DGKH: variants seen among roughly 807,000 people sequenced by gnomAD.
The protein encoded by DGKH is diacylglycerol kinase eta.
DGKH carries 90 observed loss-of-function variants against 159.3 expected under a neutral mutation model. The observed-to-expected ratio is 0.57, with a 90% CI of 0.48 to 0.67. The LOEUF (loss-of-function observed/expected upper bound fraction) is 0.67. Among genes scored for constraint, DGKH ranks in the 30% least tolerant of loss-of-function variants. DGKH has a pLI of 0.00. For missense variants in DGKH, 1,181 were observed against 1,506.1 expected (o/e 0.78, Z 3.57); for synonymous variants, 536 against 553.8 (o/e 0.97, Z 0.45).
In DGKH at chr13:42,070,791, T is replaced by G. The variant is rs546919307; in HGVS notation, c.192+21826T>G. ...ACTCCTGAACAATGTAAACACTGTT[T>G]AGTTCCGTAAGAGAGCCCACATCAT... On this transcript the variant is annotated intron_variant, in intron 1 of 29. Transcript: ENST00000337343. 34 of 1,521,030 alleles carry G rather than the reference T, an allele frequency of 2.2e-5. No individual in the cohort carries two copies. The East Asian group carries it at 7.7e-4, about 34-fold the overall frequency. The allele number at this position is 1,521,030 out of a possible 1,614,324, so 94.2% of individuals were successfully genotyped here.
intron 13 of DGKH, among the ~76,000 whole-genome samples, chr13:42,185,986 TG>T (rs1956910821): frequency 7.4e-6 from 1 of 135,396 alleles, no homozygotes. Flanking sequence ...GTGTGTCTGT[TG>T]GGGGAGGAGT....
At chr13:42,073,409 A>G (rs1005207539) in intron 1 of DGKH, among the ~76,000 whole-genome samples, 1 of 152,220 alleles carries the variant, frequency 6.6e-6, no homozygotes, top group Non-Finnish European at 1.5e-5. Context: ...AGATTTTTCA[A>G]ATTTACGGTG....
chr13:42,138,171 C>T, intron 3 of DGKH: 1 of 925,320 alleles, frequency 1.1e-6, no homozygotes, highest in Non-Finnish European at 1.3e-6. Flanking sequence ...AATAGCAGGG[C>T]ACAGCTAATA....
rs146248728 is a variant in DGKH at position 42,142,196 on chromosome 13, G to A, written c.384+12564G>A. Among the ~76,000 whole-genome samples, 933 of 152,234 alleles carry A rather than the reference G, an allele frequency of 6.1e-3. 7 individuals carry two copies. Among genetic ancestry groups the A allele is most frequent in the African/African-American group, 0.022 (894 of 41,532 alleles). On this transcript the variant is annotated intron_variant, in intron 3 of 29. Transcript: ENST00000337343. Reference sequence around the variant, plus strand: ...GTTTTAGTCAGGTTTGTCAAAGATCGAATGGTTGTAGATATGTGGCATTAT... The same window carrying A: ...GTTTTAGTCAGGTTTGTCAAAGATCAAATGGTTGTAGATATGTGGCATTAT...
chr13:42,198,814 C>G (rs1451656554), intron 18 of DGKH, among the ~76,000 whole-genome samples: 1 of 152,048 alleles, frequency 6.6e-6, no homozygotes, highest in Non-Finnish European at 1.5e-5. Flanking sequence ...TTTTCCAGCC[C>G]GTTCTCTCTG....
chr13:42,215,470 ATG>A, intron 25 of DGKH, 103 bp from the exon 26 acceptor site: 5 of 857,182 alleles, frequency 5.8e-6, no homozygotes, highest in Non-Finnish European at 8.4e-6. Context: ...TAGATTAAAA[ATG>A]TGTGCTGTGA....
chr13:42,116,334 G>C (rs117035446), intron 1 of DGKH, among the ~76,000 whole-genome samples: 247 of 152,296 alleles, frequency 1.6e-3, no homozygotes, highest in Non-Finnish European at 2.8e-3. Flanking sequence ...AGACAGGAAA[G>C]AAGTGACACA....
At chr13:42,181,676 C>A in intron 13 of DGKH, 3 of 408,778 alleles carry the variant, frequency 7.3e-6, no homozygotes, top group South Asian at 1.8e-5. Context: ...TTAAGCCACC[C>A]CATTCCCATG....
At chr13:42,126,782 C>CCCA (rs1178341470) in intron 1 of DGKH, among the ~76,000 whole-genome samples, 1 of 152,182 alleles carries the variant, frequency 6.6e-6, no homozygotes, top group Non-Finnish European at 1.5e-5. Flanking sequence ...TCCTTCAAGA[C>CCCA]CCACCTTGGG....
chr13:42,045,436 A>C (rs1880744128), upstream of DGKH, among the ~76,000 whole-genome samples: 1 of 152,254 alleles, frequency 6.6e-6, no homozygotes, highest in Non-Finnish European at 1.5e-5. Context: ...GCCAAAATGT[A>C]AATGAGAGGT....
chr13:42,189,238 C>G lies in DGKH; in HGVS notation c.1841C>G (p.Pro614Arg). ...CCTTCCTCCCAGAAAGCCGTCAAAC[C>G]AAGGGAAATCATGTTGCGGGCAAAT... Reference protein sequence around the residue: ...TKPSSQKAVKPREIMLRANSL... With the variant: ...TKPSSQKAVKRREIMLRANSL... The change falls in exon 15 of 30, where the codon CCA (proline) becomes CGA (arginine). Residue 614 changes from proline to arginine, a missense_variant. Pro to Arg is a moderately radical substitution (Grantham distance 103). This residue lies in a region of DGKH where 257 missense variants were observed against 281.5 expected (regional missense o/e 0.91). Transcript: ENST00000337343. 1 of 1,614,134 alleles carries G rather than the reference C, an allele frequency of 6.2e-7. No individual in the cohort carries two copies. Among genetic ancestry groups the G allele is most frequent in the Non-Finnish European group, 8.5e-7 (1 of 1,180,038 alleles).
chr13:42,170,166 G>A (rs1187419491), intron 11 of DGKH, among the ~76,000 whole-genome samples: 3 of 152,230 alleles, frequency 2.0e-5, no homozygotes, highest in African/African-American at 7.2e-5. Context: ...TTTAAATGCT[G>A]TCTTTGTTGC....
At chr13:42,246,978 C>T (rs1249408248), downstream of DGKH, among the ~76,000 whole-genome samples, 1 of 152,088 alleles carries the variant, frequency 6.6e-6, no homozygotes, top group Non-Finnish European at 1.5e-5. Context: ...TATATGACCA[C>T]ACAGATATCC....
rs1881005256 is a variant in DGKH at position 42,048,930 on chromosome 13, C to T, written c.157C>T (p.Arg53Cys). 1.5e-6 allele frequency: 2 copies of T among 1,327,068 alleles called. No homozygotes were observed. The highest frequency in any genetic ancestry group is 1.5e-5 in the African/African-American group (1 of 66,144). 82.2% of individuals were successfully genotyped at this position (1,327,068 alleles called of 1,614,324 possible). A position where few individuals can be genotyped will look rare whatever the true frequency, so the allele number is the denominator to read the frequency against. Residue 53 changes from arginine to cysteine, a missense_variant, in exon 1 of 30, where the codon CGC (arginine) becomes TGC (cysteine). Coordinates refer to ENST00000337343, the MANE Select transcript of DGKH (RefSeq NM_178009.5). The surrounding 1 kb of genome is among the most constrained non-coding windows in gnomAD (Gnocchi z 6.7). Reference sequence around the variant, plus strand: ...GCAAGAGGGACCCCAGAAACTGATCCGCAAAGTGTCTACCTCGGGGCAGAT... The same window carrying T: ...GCAAGAGGGACCCCAGAAACTGATCTGCAAAGTGTCTACCTCGGGGCAGAT... ...AEQEGPQKLI[R>C]KVSTSGQIRT...
chr13:42,141,028 C>CCATTCACTCGTCATTTACATTAGGTATAT (rs55860412), intron 3 of DGKH, among the ~76,000 whole-genome samples: 1 of 52,094 alleles, frequency 1.9e-5, no homozygotes, highest in Non-Finnish European at 3.9e-5. Flanking sequence ...TGTGCTGAAC[C>CCATTCACTCGTCATTTACATTAGGTATAT]CTCCTAATGC....
intron 24 of DGKH, among the ~76,000 whole-genome samples, chr13:42,211,869 G>C (rs1957666415): frequency 6.6e-6 from 1 of 152,138 alleles, no homozygotes; most frequent in African/African-American, 2.4e-5. Context: ...CATCTTGTGA[G>C]ACTTAGTCAC....
chr13:42,139,130 C>T (rs1443278254), intron 3 of DGKH, among the ~76,000 whole-genome samples: 4 of 152,170 alleles, frequency 2.6e-5, no homozygotes, highest in Non-Finnish European at 5.9e-5. Context: ...CTTCCTCACA[C>T]CAAAGTCTTA....
upstream of DGKH, chr13:42,044,017 T>G (rs945190937): frequency 6.6e-6 from 1 of 152,000 alleles, no homozygotes; most frequent in Non-Finnish European, 1.5e-5. Flanking sequence ...GGCATTTTCT[T>G]GTATAGATGG....
At chr13:42,181,870 GAGCTGCT>G (rs1566166016) in intron 13 of DGKH, 43 of 42,148 alleles carry the variant, frequency 1.0e-3, no homozygotes, top group Non-Finnish European at 1.5e-3. Context: ...GCTGGCAGCT[GAGCTGCT>G]GGTGCTGGCA....
Sources: allele counts gnomAD v4.1 joint callset (sites outside exome capture counted in the v4.1 genomes callset), GRCh38; gene constraint gnomAD v4.1.1; regional missense constraint gnomAD v4.1.1; non-coding constraint Gnocchi (gnomAD v3.1); transcripts MANE v1.5; gene names NCBI Gene and HGNC (gene_info 2026-07-23, HGNC 2026-07-21).